The following STT3B variants were observed in gnomAD, a reference collection of about 807,000 sequenced individuals.
STT3B encodes the protein STT3 oligosaccharyltransferase complex catalytic subunit B.
Under a neutral mutation model 96.8 loss-of-function variants are expected in STT3B, and 29 were observed. The ratio of observed to expected loss-of-function variants is 0.30; its 90% CI spans 0.22 to 0.41. STT3B has a LOEUF of 0.41. STT3B is among the 10% of genes least tolerant of loss of function. The pLI is 1.00. For missense variants in STT3B, 640 were observed against 1,022.3 expected (o/e 0.63, Z 5.10); for synonymous variants, 367 against 360.0 (o/e 1.02, Z -0.22).
intron 9 of STT3B, among the ~76,000 whole-genome samples, chr3:31,621,097 C>G (rs558456467): frequency 6.6e-5 from 10 of 152,172 alleles, no homozygotes; most frequent in African/African-American, 2.4e-4. Context: ...GTAAATATTC[C>G]AAAGTCATCA....
At chr3:31,575,011 T>G (rs1698234763) in intron 1 of STT3B, among the ~76,000 whole-genome samples, 2 of 152,160 alleles carry the variant, frequency 1.3e-5, no homozygotes, top group South Asian at 4.1e-4. Context: ...GCAATTACAA[T>G]TTTGCCATTC....
intron 5 of STT3B, among the ~76,000 whole-genome samples, chr3:31,601,608 G>A (rs1180091256): frequency 6.6e-6 from 1 of 152,138 alleles, no homozygotes; most frequent in Non-Finnish European, 1.5e-5. Flanking sequence ...GGAGGAGAAT[G>A]TGGAGAGGAG....
At chr3:31,574,251 T>TA (rs1698218286) in intron 1 of STT3B, among the ~76,000 whole-genome samples, 2 of 152,306 alleles carry the variant, frequency 1.3e-5, no homozygotes, top group Middle Eastern at 6.8e-3. Context: ...TCTCTTAGTT[T>TA]AACTGTTGTT....
chr3:31,583,718 C>T (rs1430067373), intron 3 of STT3B, among the ~76,000 whole-genome samples: 1 of 152,120 alleles, frequency 6.6e-6, no homozygotes, highest in African/African-American at 2.4e-5. Flanking sequence ...AGTAATTACT[C>T]GTAAAGAGGT....
Position 31,632,943 on chromosome 3 carries a change from T to C in STT3B, c.2196T>C (p.Phe732=). 1 of 1,613,718 alleles carries C rather than the reference T, an allele frequency of 6.2e-7. No individual in the cohort carries two copies. The highest frequency in any genetic ancestry group is 8.5e-7 in the Non-Finnish European group (1 of 1,179,866). ...YYRFGEMQLD[F]RTPPGFDRTR... ...TAATGTCACTTTTGCAGCTGGATTT[T>C]CGTACACCCCCAGGTTTTGACCGAA... The change falls in exon 15 of 16, where the codon TTT becomes TTC. Residue 732 remains phenylalanine (F), a synonymous_variant. Transcript: ENST00000295770.
rs5847707 is a variant in STT3B at position 31,617,186 on chromosome 3, C to CT, written c.1123+126dup. 80,178 of 485,472 alleles carry CT rather than the reference C, an allele frequency of 0.17. 934 individuals are homozygous for CT. The highest frequency in any genetic ancestry group is 0.19 in the Middle Eastern group (308 of 1,596). The allele number at this position is 485,472 out of a possible 1,614,324, so 30.1% of individuals were successfully genotyped here. On this transcript the variant is annotated intron_variant, in intron 7 of 15. Transcript: ENST00000295770. ...AGCATGACTACAAAGTGATTTTTTT[C>CT]TTTTTTTTTTTTTTTGAATAGTATA...
intron 1 of STT3B, among the ~76,000 whole-genome samples, chr3:31,534,292 C>G (rs1697028539): frequency 6.6e-6 from 1 of 152,192 alleles, no homozygotes; most frequent in East Asian, 1.9e-4. Flanking sequence ...AATTACCCCA[C>G]TCTTAACAAC....
intron 1 of STT3B, among the ~76,000 whole-genome samples, chr3:31,557,782 G>A (rs746366538): frequency 8.5e-5 from 13 of 152,190 alleles, no homozygotes; most frequent in Non-Finnish European, 1.3e-4. Context: ...ACAGGCGCCC[G>A]CCACCATGCC....
chr3:31,612,995 A>G (rs1341740319), intron 5 of STT3B, among the ~76,000 whole-genome samples: 4 of 152,184 alleles, frequency 2.6e-5, no homozygotes, highest in African/African-American at 7.2e-5. Flanking sequence ...TACCTTTGCA[A>G]TTGAACCAAT....
At position 31,623,797 on chromosome 3, in the gene STT3B, A is replaced by G; in HGVS notation, c.1663A>G (p.Thr555Ala). 6.2e-7 allele frequency: 1 copy of G among 1,614,062 alleles called. No homozygotes were observed. The highest frequency in any genetic ancestry group is 8.5e-7 in the Non-Finnish European group (1 of 1,179,954). ...ATTGATGATGTTTGCTGTCCACTGT[A>G]CCTGGGTCACAAGCAATGCCTACTC... ...MLLMMFAVHC[T>A]WVTSNAYSSP... The change falls in exon 11 of 16, where the codon ACC becomes GCC. Residue 555 changes from threonine to alanine, a missense_variant. Transcript: ENST00000295770.
intron 13 of STT3B, among the ~76,000 whole-genome samples, chr3:31,626,329 A>G (rs1052508875): frequency 6.6e-6 from 1 of 152,178 alleles, no homozygotes; most frequent in Non-Finnish European, 1.5e-5. Flanking sequence ...CTAATATACC[A>G]TTCTTCCCTA....
chr3:31,541,094 T>A (rs192492956), intron 1 of STT3B, among the ~76,000 whole-genome samples: 10 of 152,352 alleles, frequency 6.6e-5, no homozygotes, highest in Admixed American at 3.3e-4. Context: ...AAAATAAGTC[T>A]TAAATGTTTC....
At chr3:31,596,319 G>A (rs1186828520) in intron 3 of STT3B, among the ~76,000 whole-genome samples, 1 of 152,066 alleles carries the variant, frequency 6.6e-6, no homozygotes, top group Admixed American at 6.6e-5. Context: ...CTGAGGCTGA[G>A]GGAGAGTACC....
intron 3 of STT3B, among the ~76,000 whole-genome samples, chr3:31,590,272 C>T (rs1698637931): frequency 6.6e-6 from 1 of 151,732 alleles, no homozygotes; most frequent in African/African-American, 2.4e-5. Flanking sequence ...TTGGGTTTCA[C>T]TGATTTTTTT....
At position 31,606,032 on chromosome 3, in the gene STT3B, G is replaced by A. The variant is rs1013940318; in HGVS notation, c.877+5573G>A. Among the ~76,000 whole-genome samples, 4 of 152,282 alleles carry A rather than the reference G, an allele frequency of 2.6e-5. 1 individual carries two copies. The highest frequency in any genetic ancestry group is 1.9e-4 in the East Asian group (1 of 5,182). Reference sequence around the variant, plus strand: ...TTAACAAAGAGATGGGTGGCATTTTGCCCCTGCCCTAGAGATTTGTGGAAC... The same window carrying A: ...TTAACAAAGAGATGGGTGGCATTTTACCCCTGCCCTAGAGATTTGTGGAAC... On this transcript the variant is annotated intron_variant, in intron 5 of 15. Coordinates refer to ENST00000295770, the MANE Select transcript of STT3B (RefSeq NM_178862.3).
chr3:31,608,840 G>A (rs1699116195), intron 5 of STT3B, among the ~76,000 whole-genome samples: 1 of 152,256 alleles, frequency 6.6e-6, no homozygotes, highest in African/African-American at 2.4e-5. Context: ...GTGTTGGCCA[G>A]GTGCAGTGGC....
intron 4 of STT3B, among the ~76,000 whole-genome samples, chr3:31,598,393 A>T (rs754832874): frequency 4.6e-5 from 7 of 151,242 alleles, no homozygotes; most frequent in Non-Finnish European, 8.8e-5. Context: ...AGTGAAGTGA[A>T]CTTAGAACAG....
At chr3:31,549,380 T>A (rs1697495932) in intron 1 of STT3B, among the ~76,000 whole-genome samples, 1 of 152,102 alleles carries the variant, frequency 6.6e-6, no homozygotes, top group South Asian at 2.1e-4. Context: ...AGTTAAGTTC[T>A]CAGGCCTGTA....
intron 1 of STT3B, among the ~76,000 whole-genome samples, chr3:31,566,811 T>A (rs1432340201): frequency 6.6e-6 from 1 of 152,158 alleles, no homozygotes; most frequent in Non-Finnish European, 1.5e-5. Context: ...AATTACCTGG[T>A]TTGTGTTTAT....
Sources: allele counts gnomAD v4.1 joint callset (sites outside exome capture counted in the v4.1 genomes callset), GRCh38; gene constraint gnomAD v4.1.1; transcripts MANE v1.5; gene names NCBI Gene and HGNC (gene_info 2026-07-23, HGNC 2026-07-21).